CSPP1: variants seen among roughly 807,000 people sequenced by gnomAD.
The protein encoded by CSPP1 is centrosome and spindle pole-associated protein 1.
CSPP1 carries 126 observed loss-of-function variants against 164.4 expected under a neutral mutation model. That is an observed-to-expected ratio of 0.77 (90% CI 0.66 to 0.89). The LOEUF is 0.89. Ranked by LOEUF, CSPP1 falls within the 40% of genes least tolerant of loss-of-function variation. CSPP1 has a pLI of 0.00. For missense variants in CSPP1, 1,395 were observed against 1,449.8 expected (o/e 0.96, Z 0.61); for synonymous variants, 472 against 476.7 (o/e 0.99, Z 0.13).
chr8:67,128,641 A>G (rs1820603095), intron 15 of CSPP1, among the ~76,000 whole-genome samples: 2 of 152,268 alleles, frequency 1.3e-5, no homozygotes, highest in Admixed American at 1.3e-4. Flanking sequence ...TGAGACTTTC[A>G]TAATCTTGAT....
At chr8:67,130,967 G>A (rs548963972) in intron 15 of CSPP1, among the ~76,000 whole-genome samples, 2 of 152,106 alleles carry the variant, frequency 1.3e-5, no homozygotes, top group African/African-American at 2.4e-5. Flanking sequence ...CAGCCTGGGC[G>A]ACAAGAGTGA....
At chr8:67,179,326 C>T (rs1033873659) in intron 27 of CSPP1, among the ~76,000 whole-genome samples, 8 of 152,138 alleles carry the variant, frequency 5.3e-5, no homozygotes, top group African/African-American at 9.7e-5. Context: ...ATAGGGCTGT[C>T]ATAATCTGAG....
At chr8:67,176,261 G>A (rs929795488) in intron 26 of CSPP1, among the ~76,000 whole-genome samples, 6 of 152,130 alleles carry the variant, frequency 3.9e-5, no homozygotes, top group Non-Finnish European at 5.9e-5. Flanking sequence ...CAGATAACAA[G>A]AGTGGAAGGG....
intron 1 of CSPP1, chr8:67,069,048 G>A (rs1013148677): frequency 3.3e-5 from 5 of 152,128 alleles, no homozygotes; most frequent in Admixed American, 2.0e-4. Flanking sequence ...CTCAAATTAA[G>A]CCTTCCCCCA....
At chr8:67,191,597 A>G (rs1465298225) in intron 29 of CSPP1, among the ~76,000 whole-genome samples, 1 of 152,212 alleles carries the variant, frequency 6.6e-6, no homozygotes, top group East Asian at 1.9e-4. Flanking sequence ...AGCATGTGCC[A>G]GTACTGAAGC....
chr8:67,181,885 TGAC>T (rs1833142521), intron 28 of CSPP1, among the ~76,000 whole-genome samples: 1 of 152,210 alleles, frequency 6.6e-6, no homozygotes, highest in Non-Finnish European at 1.5e-5. Flanking sequence ...TCCATAAATT[TGAC>T]TACTCTAGGA....
At chr8:67,102,253 ATATTT>A (rs1279773888) in intron 7 of CSPP1, among the ~76,000 whole-genome samples, 1 of 151,998 alleles carries the variant, frequency 6.6e-6, no homozygotes, top group African/African-American at 2.4e-5. Flanking sequence ...ATGGTTTGTT[ATATTT>A]TATTTAATTT....
At chr8:67,117,048 C>A (rs528155767) in intron 13 of CSPP1, among the ~76,000 whole-genome samples, 3 of 152,224 alleles carry the variant, frequency 2.0e-5, no homozygotes, top group African/African-American at 7.2e-5. Context: ...GTTGGCTTTC[C>A]TATCTGGATT....
At chr8:67,171,362 C>G (rs1586707414) in intron 24 of CSPP1, among the ~76,000 whole-genome samples, 1 of 151,600 alleles carries the variant, frequency 6.6e-6, no homozygotes, top group South Asian at 2.1e-4. Context: ...GATCACGCCA[C>G]TGCACTCCAG....
intron 9 of CSPP1, among the ~76,000 whole-genome samples, chr8:67,110,770 C>T (rs1245225223): frequency 6.6e-6 from 1 of 152,174 alleles, no homozygotes; most frequent in Non-Finnish European, 1.5e-5. Flanking sequence ...ATAGGGCTCA[C>T]CTCAATTACA....
At chr8:67,138,257 A>G (rs1358142026) in intron 17 of CSPP1, among the ~76,000 whole-genome samples, 1 of 152,182 alleles carries the variant, frequency 6.6e-6, no homozygotes, top group African/African-American at 2.4e-5. Context: ...TCTCCTGTGA[A>G]TACCCAAATC....
intron 18 of CSPP1, among the ~76,000 whole-genome samples, chr8:67,151,744 C>T (rs1329548101): frequency 6.6e-6 from 1 of 151,920 alleles, no homozygotes; most frequent in Non-Finnish European, 1.5e-5. Flanking sequence ...ATGTTTAAAA[C>T]TTCCTTTTTT....
chr8:67,117,110 G>T (rs1230170376), intron 13 of CSPP1, among the ~76,000 whole-genome samples: 1 of 152,150 alleles, frequency 6.6e-6, no homozygotes, highest in Non-Finnish European at 1.5e-5. Context: ...TGTAAAAGTG[G>T]AGTAGTATTA....
chr8:67,167,993 C>G (rs1259608220), intron 24 of CSPP1, among the ~76,000 whole-genome samples: 4 of 152,202 alleles, frequency 2.6e-5, no homozygotes, highest in African/African-American at 9.6e-5. Context: ...CCACTGCATT[C>G]CAGCCTGGGC....
chr8:67,103,926 CA>C (rs1286225114), intron 8 of CSPP1, among the ~76,000 whole-genome samples: 1 of 150,200 alleles, frequency 6.7e-6, no homozygotes, highest in African/African-American at 2.4e-5. Flanking sequence ...TTCAGTTTAT[CA>C]AGTAGATAGC....
chr8:67,120,649 T>G (rs891066725), intron 15 of CSPP1, among the ~76,000 whole-genome samples: 2 of 152,140 alleles, frequency 1.3e-5, no homozygotes, highest in African/African-American at 4.8e-5. Flanking sequence ...TTTCATAATT[T>G]TCTTTTCAAA....
chr8:67,174,767 G>GA (rs370370213), intron 25 of CSPP1: 520 of 98,330 alleles, frequency 5.3e-3, no homozygotes, highest in South Asian at 6.4e-3. Flanking sequence ...TCCGTCTCAA[G>GA]AAAAAAAAAA....
At chr8:67,173,226 G>GA (rs779123304) in intron 25 of CSPP1, among the ~76,000 whole-genome samples, 3 of 152,284 alleles carry the variant, frequency 2.0e-5, no homozygotes, top group South Asian at 2.1e-4. Flanking sequence ...GGCTCTAGGA[G>GA]AGGGAGAGTG....
chr8:67,077,294 C>A (rs182115747), intron 3 of CSPP1, among the ~76,000 whole-genome samples: 11 of 151,806 alleles, frequency 7.2e-5, no homozygotes, highest in Admixed American at 7.2e-4. Flanking sequence ...ACTACAATTA[C>A]AGGCCTGAGC....
Sources: allele counts gnomAD v4.1 joint callset (sites outside exome capture counted in the v4.1 genomes callset), GRCh38; gene constraint gnomAD v4.1.1; transcripts MANE v1.5; gene names NCBI Gene and HGNC (gene_info 2026-07-23, HGNC 2026-07-21).